FYB2: variants seen among roughly 807,000 people sequenced by gnomAD.
FYB2 encodes FYN-binding protein 2.
FYB2 carries 103 observed loss-of-function variants against 94.1 expected under a neutral mutation model. The observed-to-expected ratio is 1.09, with a 90% CI of 0.93 to 1.29. The LOEUF (loss-of-function observed/expected upper bound fraction) is 1.29. Among genes scored for constraint, FYB2 ranks in the 50% most tolerant of loss-of-function variants. FYB2 has a pLI of 0.00. For synonymous variants in FYB2, 293 were observed against 287.9 expected (o/e 1.02, Z -0.18); for missense variants, 896 against 841.5 (o/e 1.06, Z -0.80).
intron 1 of FYB2, among the ~76,000 whole-genome samples, chr1:56,809,911 A>G (rs1646728442): frequency 6.6e-6 from 1 of 152,116 alleles, no homozygotes; most frequent in Non-Finnish European, 1.5e-5. Context: ...AGCTTTTCAC[A>G]TCCTAGGAAT....
chr1:56,751,382 TA>T (rs1443771066), intron 8 of FYB2, among the ~76,000 whole-genome samples, 179 bp from the exon 9 acceptor site: 3 of 152,074 alleles, frequency 2.0e-5, no homozygotes, highest in Non-Finnish European at 2.9e-5. Context: ...TATCCTTCAT[TA>T]CCTCTGAATG....
At chr1:56,787,242 A>T in intron 3 of FYB2, 34 bp from the exon 4 acceptor site, 1 of 1,613,050 alleles carries the variant, frequency 6.2e-7, no homozygotes, top group Non-Finnish European at 8.5e-7. Context: ...AAAAAGAGGC[A>T]TTTGCAGCAG....
chr1:56,792,600 G>A lies in FYB2; in HGVS notation c.213C>T (p.Ser71=). 1 of 1,614,058 alleles carries A rather than the reference G, an allele frequency of 6.2e-7. No homozygotes were observed. Among genetic ancestry groups the A allele is most frequent in the South Asian group, 1.1e-5 (1 of 91,072 alleles). The change falls in exon 2 of 20, where the codon TCC becomes TCT. Residue 71 remains serine, a synonymous_variant. Coordinates refer to ENST00000343433, the MANE Select transcript of FYB2 (RefSeq NM_001004303.5). The stretch of plus-strand genomic sequence containing the variant: ...TTATTTTCTGAGGTTGAAGAGGCTG[G>A]GACTCACTACTGGAACAGTATGGTG... ...QRTPYCSSSE[S]QPLQPQKIKL...
chr1:56,794,628 C>T (rs1646351624), intron 1 of FYB2, among the ~76,000 whole-genome samples: 2 of 151,966 alleles, frequency 1.3e-5, no homozygotes, highest in Admixed American at 1.3e-4. Context: ...AGTACATGCA[C>T]TCTCTCTCCT....
In FYB2 at chr1:56,740,791, C is replaced by T; in HGVS notation, c.1609G>A (p.Asp537Asn). The T allele has an allele frequency of 6.3e-7, 1 of 1,593,156 alleles. No individual in the cohort carries two copies. The highest frequency in any genetic ancestry group is 1.9e-4 in the Middle Eastern group (1 of 5,294). The stretch of plus-strand genomic sequence containing the variant: ...AGTCTTTTGAGTGCTTCTTTTCCAT[C>T]TAAACTGAGAGGAATCACAGGATAT... ...TKNNYPKIDLDGKEALKRLQQ... is the reference protein window; with the variant it reads ...TKNNYPKIDLNGKEALKRLQQ... Residue 537 changes from aspartate (D) to asparagine (N), a missense_variant, in exon 13 of 20, where the codon GAT becomes AAT. Asp to Asn is a conservative substitution (Grantham distance 23). Coordinates refer to ENST00000343433, the MANE Select transcript of FYB2 (RefSeq NM_001004303.5).
intron 4 of FYB2, among the ~76,000 whole-genome samples, chr1:56,768,458 G>A (rs1454493062): frequency 1.3e-5 from 2 of 152,162 alleles, no homozygotes; most frequent in South Asian, 4.1e-4. Flanking sequence ...AATGAGCTTG[G>A]AAGTTTGCTA....
chr1:56,749,834 G>A (rs1383805991), intron 9 of FYB2, among the ~76,000 whole-genome samples: 1 of 151,994 alleles, frequency 6.6e-6, no homozygotes, highest in Non-Finnish European at 1.5e-5. Context: ...AGTTAGCTTT[G>A]GCATGCACCT....
chr1:56,743,412 A>G (rs1644998975), intron 11 of FYB2, among the ~76,000 whole-genome samples: 1 of 152,186 alleles, frequency 6.6e-6, no homozygotes, highest in Admixed American at 6.5e-5. Flanking sequence ...GTACTATGAG[A>G]TTGTACACCA....
chr1:56,740,687 G>A lies in FYB2; in HGVS notation c.1703+10C>T. On this transcript the variant is annotated intron_variant, in intron 13 of 19. Coordinates refer to ENST00000343433, the MANE Select transcript of FYB2 (RefSeq NM_001004303.5). ...CCCCTCGTGGAAAGGGATTTAAAGG[G>A]ACTTTTTACCTTAAGTTTTCTTTCG... 1.3e-6 allele frequency: 2 copies of A among 1,530,080 alleles called. No individual in the cohort carries two copies. Among genetic ancestry groups the A allele is most frequent in the Non-Finnish European group, 1.8e-6 (2 of 1,111,062 alleles). The allele number at this position is 1,530,080 out of a possible 1,614,324, so 94.8% of individuals were successfully genotyped here.
At chr1:56,765,207 C>T (rs904676940) in intron 5 of FYB2, among the ~76,000 whole-genome samples, 42 of 152,126 alleles carry the variant, frequency 2.8e-4, no homozygotes, top group African/African-American at 9.4e-4. Context: ...CCCATATGGC[C>T]TTTGCTGACA....
intron 5 of FYB2, among the ~76,000 whole-genome samples, chr1:56,766,378 T>C (rs1467914944): frequency 2.0e-5 from 3 of 152,220 alleles, no homozygotes; most frequent in Admixed American, 2.0e-4. Context: ...GAATCTAGAC[T>C]GCCCAGTCTA....
intron 9 of FYB2, among the ~76,000 whole-genome samples, 168 bp downstream of exon 9, chr1:56,750,876 T>C (rs1253611843): frequency 3.9e-5 from 6 of 152,074 alleles, no homozygotes; most frequent in African/African-American, 1.4e-4. Flanking sequence ...CTTCTGCTTT[T>C]CAATTCAGTG....
At chr1:56,748,179 C>T (rs1005011887) in intron 9 of FYB2, among the ~76,000 whole-genome samples, 1 of 151,844 alleles carries the variant, frequency 6.6e-6, no homozygotes, top group African/African-American at 2.4e-5. Context: ...CCAAAAATTC[C>T]CTCTCATTCT....
At chr1:56,726,423 C>A in intron 16 of FYB2, 74 bp downstream of exon 16, 1 of 1,353,822 alleles carries the variant, frequency 7.4e-7, no homozygotes, top group Non-Finnish European at 1.0e-6. Context: ...CATTACTTAT[C>A]TGAGGCCACA....
At chr1:56,748,555 G>A (rs1277788510) in intron 9 of FYB2, among the ~76,000 whole-genome samples, 1 of 151,908 alleles carries the variant, frequency 6.6e-6, no homozygotes, top group South Asian at 2.1e-4. Flanking sequence ...TCATATGGTT[G>A]TACATGTGTG....
In FYB2 at chr1:56,719,006, A is replaced by G. The variant is rs575316523; in HGVS notation, c.*665T>C. Reference sequence around the variant, plus strand: ...ACAAAAAGATGTTTTAAAGTAATACAGCATATATATTATTTTGTTAAATAC... The same window carrying G: ...ACAAAAAGATGTTTTAAAGTAATACGGCATATATATTATTTTGTTAAATAC... On this transcript the variant is annotated 3_prime_UTR_variant, in exon 20 of 20. Coordinates refer to ENST00000343433, the MANE Select transcript of FYB2 (RefSeq NM_001004303.5). 9.8e-5 allele frequency: 15 copies of G among 152,702 alleles called. 1 individual carries two copies. The highest frequency in any genetic ancestry group is 3.4e-4 in the African/African-American group (14 of 41,594). 9.5% of individuals were successfully genotyped at this position (152,702 alleles called of 1,614,324 possible).
At chr1:56,742,642 G>C (rs907136118) in intron 11 of FYB2, among the ~76,000 whole-genome samples, 1 of 152,006 alleles carries the variant, frequency 6.6e-6, no homozygotes, top group African/African-American at 2.4e-5. Context: ...CATGGCTTTG[G>C]CCTAGCCCAA....
In FYB2 at chr1:56,740,689, C is replaced by A. The variant is rs753628458; in HGVS notation, c.1703+8G>T. 1.3e-6 allele frequency: 2 copies of A among 1,549,096 alleles called. No individual in the cohort carries two copies. Among genetic ancestry groups the A allele is most frequent in the African/African-American group, 1.4e-5 (1 of 73,044 alleles). On this transcript the variant is annotated splice_region_variant and intron_variant, in intron 13 of 19. Coordinates refer to ENST00000343433, the MANE Select transcript of FYB2 (RefSeq NM_001004303.5). Reference sequence around the variant, plus strand: ...CCTCGTGGAAAGGGATTTAAAGGGACTTTTTACCTTAAGTTTTCTTTCGAC... The same window carrying A: ...CCTCGTGGAAAGGGATTTAAAGGGAATTTTTACCTTAAGTTTTCTTTCGAC...
chr1:56,793,814 C>T (rs1028375497), intron 1 of FYB2, among the ~76,000 whole-genome samples: 3 of 146,674 alleles, frequency 2.0e-5, no homozygotes, highest in African/African-American at 7.5e-5. Flanking sequence ...CTCCTTGGTA[C>T]TTCCATAGCT....
Sources: allele counts gnomAD v4.1 joint callset (sites outside exome capture counted in the v4.1 genomes callset), GRCh38; gene constraint gnomAD v4.1.1; transcripts MANE v1.5; gene names NCBI Gene and HGNC (gene_info 2026-07-23, HGNC 2026-07-21).